The following CPEB1 variants were observed in gnomAD, a reference collection of about 807,000 sequenced individuals.
CPEB1 encodes cytoplasmic polyadenylation element-binding protein 1.
A neutral mutation model predicts 65.8 loss-of-function variants in CPEB1; 7 were observed. That is an observed-to-expected ratio of 0.11 (90% CI 0.06 to 0.20). CPEB1 has a LOEUF of 0.20. Among genes scored for constraint, CPEB1 ranks in the 10% least tolerant of loss-of-function variants. CPEB1 has a pLI of 1.00. For missense variants in CPEB1, 551 were observed against 712.2 expected, an observed-to-expected ratio of 0.77 and a Z score of 2.58; for synonymous variants, 262 against 260.0, an observed-to-expected ratio of 1.01 and a Z score of -0.08.
chr15:82,638,336 T>C (rs2151374096), intron 1 of CPEB1, among the ~76,000 whole-genome samples: 1 of 152,300 alleles, frequency 6.6e-6, no homozygotes, highest in East Asian at 1.9e-4. Context: ...CTGTTAGTCA[T>C]TTGACAAATA....
At chr15:82,630,797 C>G (rs1426960405) in intron 1 of CPEB1, among the ~76,000 whole-genome samples, 1 of 151,968 alleles carries the variant, frequency 6.6e-6, no homozygotes, top group Non-Finnish European at 1.5e-5. Context: ...CAAAAGTGGT[C>G]CAGTGTGGTA....
intron 12 of CPEB1, among the ~76,000 whole-genome samples, chr15:82,545,050 C>T (rs1045439553): frequency 6.6e-5 from 10 of 152,154 alleles, no homozygotes; most frequent in African/African-American, 1.7e-4. Context: ...TGGCTGCTAA[C>T]GTGGAGAATG....
Position 82,627,271 on chromosome 15 carries a change from C to T in CPEB1, c.193G>A (p.Ala65Thr), listed in dbSNP as rs1429146037. The T allele has an allele frequency of 1.2e-6, 2 of 1,613,590 alleles. No homozygotes were observed. Among genetic ancestry groups the T allele is most frequent in the Admixed American group, 1.7e-5 (1 of 60,016 alleles). Residue 65 changes from alanine (A) to threonine (T), a missense_variant, in exon 3 of 13, where the codon GCC becomes ACC. Coordinates refer to ENST00000684509, the MANE Select transcript of CPEB1 (RefSeq NM_001365242.1). ...AAATCCAGAGAATTATCCAATATGG[C>T]ATTTATCCTTCGAAAGATATTGGCA... ...SNANIFRRINAILDNSLDFSR... is the reference protein window; with the variant it reads ...SNANIFRRINTILDNSLDFSR...
intron 3 of CPEB1, chr15:82,573,020 T>TC: frequency 6.5e-7 from 1 of 1,532,268 alleles, no homozygotes; most frequent in Non-Finnish European, 8.7e-7. Context: ...AAACCTGGAC[T>TC]CAGCTGGTAG....
chr15:82,591,550 A>T (rs1419628137), intron 3 of CPEB1, among the ~76,000 whole-genome samples: 1 of 152,146 alleles, frequency 6.6e-6, no homozygotes, highest in Admixed American at 6.6e-5. Flanking sequence ...TGTAGGCATG[A>T]GTCACTGTGC....
chr15:82,593,159 T>G (rs535000703), intron 3 of CPEB1, among the ~76,000 whole-genome samples: 128 of 152,304 alleles, frequency 8.4e-4, no homozygotes, highest in African/African-American at 3.0e-3. Flanking sequence ...AACCATGATG[T>G]TTGCCGCATA....
At chr15:82,606,484 A>G (rs1349468119) in intron 3 of CPEB1, among the ~76,000 whole-genome samples, 2 of 151,580 alleles carry the variant, frequency 1.3e-5, no homozygotes, top group Admixed American at 6.6e-5. Context: ...AAAAAAAAAA[A>G]AAGCTAGTTC....
chr15:82,567,009 A>G (rs1440499615), intron 4 of CPEB1, among the ~76,000 whole-genome samples: 2 of 152,156 alleles, frequency 1.3e-5, no homozygotes, highest in Non-Finnish European at 2.9e-5. Flanking sequence ...GGATAAACAC[A>G]GTGGCTCAGC....
At chr15:82,644,873 G>C (rs1027432815) in intron 1 of CPEB1, among the ~76,000 whole-genome samples, 2 of 152,226 alleles carry the variant, frequency 1.3e-5, no homozygotes, top group African/African-American at 2.4e-5. Context: ...AGTTAAGTTT[G>C]GTGCTGAGCC....
chr15:82,645,927 G>C (rs2047475405), intron 1 of CPEB1, among the ~76,000 whole-genome samples: 1 of 151,856 alleles, frequency 6.6e-6, no homozygotes, highest in African/African-American at 2.4e-5. Context: ...CTACAGCAAC[G>C]TGCTCTGGGA....
In CPEB1 at chr15:82,572,309, T is replaced by C. The variant is rs185979255; in HGVS notation, c.272-777A>G. On this transcript the variant is annotated intron_variant, in intron 3 of 12. Coordinates refer to ENST00000684509, the MANE Select transcript of CPEB1 (RefSeq NM_001365242.1). ...AACAAGATAACCTTCAGAAAAATAC[T>C]GTACACTTGGACCCTGGGGAACAAC... Among the ~76,000 whole-genome samples, 295 of 152,306 alleles carry C rather than the reference T, an allele frequency of 1.9e-3. 1 individual carries two copies. The highest frequency in any genetic ancestry group is 6.8e-3 in the Middle Eastern group (2 of 294).
chr15:82,602,132 T>C (rs1251179287), intron 3 of CPEB1, among the ~76,000 whole-genome samples: 1 of 152,140 alleles, frequency 6.6e-6, no homozygotes, highest in African/African-American at 2.4e-5. Context: ...CTCAACAAAT[T>C]TGAAGACTAA....
chr15:82,590,083 TACAGGA>T (rs906706586), intron 3 of CPEB1, among the ~76,000 whole-genome samples: 3 of 152,122 alleles, frequency 2.0e-5, no homozygotes, highest in African/African-American at 7.2e-5. Flanking sequence ...ATAGCTTTTC[TACAGGA>T]GAGCAGACAC....
intron 3 of CPEB1, among the ~76,000 whole-genome samples, chr15:82,583,828 AAT>A: frequency 6.6e-6 from 1 of 152,348 alleles, no homozygotes; most frequent in South Asian, 2.1e-4. Flanking sequence ...ATAAAATAGT[AAT>A]AATATTGAAA....
chr15:82,549,517 G>C lies in CPEB1; in HGVS notation c.1423C>G (p.Leu475Val). The change falls in exon 10 of 13, where the codon CTA (leucine) becomes GTA (valine). Residue 475 changes from leucine (L) to valine (V), a missense_variant. By Grantham distance (32) the Leu-to-Val change is conservative. Coordinates refer to ENST00000684509, the MANE Select transcript of CPEB1 (RefSeq NM_001365242.1). Reference sequence around the variant, plus strand: ...CCGGCATACACCACTCCACCAAATAGGTCGTTCAAGATGGCTGCCAGGGCC... The same window carrying C: ...CCGGCATACACCACTCCACCAAATACGTCGTTCAAGATGGCTGCCAGGGCC... Reference protein sequence around the residue: ...AEALAAILNDLFGGVVYAGID... With the variant: ...AEALAAILNDVFGGVVYAGID... 1 of 1,614,206 alleles carries C rather than the reference G, an allele frequency of 6.2e-7. No homozygotes were observed.
intron 4 of CPEB1, chr15:82,562,357 ATT>A: frequency 2.8e-6 from 1 of 356,412 alleles, no homozygotes; most frequent in Non-Finnish European, 5.5e-6. Context: ...TTAAAAATGC[ATT>A]TTGGGTCCCA....
intron 3 of CPEB1, among the ~76,000 whole-genome samples, chr15:82,623,681 A>G (rs137863165): frequency 5.5e-4 from 84 of 152,338 alleles, no homozygotes; most frequent in African/African-American, 2.0e-3. Context: ...GTCTCAGGAA[A>G]AAAAAATTAC....
chr15:82,589,749 G>A (rs960342936), intron 3 of CPEB1, among the ~76,000 whole-genome samples: 3 of 151,774 alleles, frequency 2.0e-5, no homozygotes, highest in Non-Finnish European at 2.9e-5. Flanking sequence ...TATTACAGTC[G>A]GCACTCCCTA....
intron 1 of CPEB1, among the ~76,000 whole-genome samples, chr15:82,631,336 T>C (rs1437425983): frequency 1.3e-5 from 2 of 151,972 alleles, no homozygotes; most frequent in Non-Finnish European, 2.9e-5. Context: ...GATGACATTA[T>C]AATAAAAGTG....
Sources: allele counts gnomAD v4.1 joint callset (sites outside exome capture counted in the v4.1 genomes callset), GRCh38; gene constraint gnomAD v4.1.1; transcripts MANE v1.5; gene names NCBI Gene and HGNC (gene_info 2026-07-23, HGNC 2026-07-21).